Variants in UGT1A9 observed in about 807,000 individuals in gnomAD.
UGT1A9 encodes UDP-glucuronosyltransferase 1A9.
In UGT1A9, 35 loss-of-function variants were observed where a neutral mutation model predicts 45.0. The observed-to-expected ratio is 0.78, with a 90% CI of 0.59 to 1.03. The LOEUF (loss-of-function observed/expected upper bound fraction) is 1.03. Ranked by LOEUF, UGT1A9 falls within the 50% of genes least tolerant of loss-of-function variation. The pLI, the probability that UGT1A9 is intolerant of heterozygous loss-of-function variation, is 0.00. For synonymous variants in UGT1A9, 278 were observed against 250.6 expected, an observed-to-expected ratio of 1.11 and a Z score of -1.03; for missense variants, 687 against 666.6, an observed-to-expected ratio of 1.03 and a Z score of -0.34.
intron 1 of UGT1A9, chr2:233,761,197 G>T (rs369591851): frequency 8.1e-6 from 13 of 1,614,114 alleles, no homozygotes; most frequent in Non-Finnish European, 1.1e-5. Flanking sequence ...TCTTTCAGAT[G>T]TATTACTTTG....
At chr2:233,729,111 C>T (rs773243405) in intron 1 of UGT1A9, 49 of 1,612,868 alleles carry the variant, frequency 3.0e-5, no homozygotes, top group Non-Finnish European at 4.0e-5. Flanking sequence ...GTCAGCTGTC[C>T]GTGTCTTCTG....
chr2:233,693,551 A>T (rs752625258), intron 1 of UGT1A9: 2 of 1,614,068 alleles, frequency 1.2e-6, no homozygotes, highest in Non-Finnish European at 1.7e-6. Flanking sequence ...GCATACATTC[A>T]GCAGAAGCCC....
intron 1 of UGT1A9, chr2:233,718,696 A>G: frequency 1.9e-6 from 3 of 1,595,236 alleles, no homozygotes; most frequent in Non-Finnish European, 2.6e-6. Flanking sequence ...GGAGGAGGGC[A>G]CTTTGTCTTC....
chr2:233,743,976 C>T (rs2125858385), intron 1 of UGT1A9: 2 of 1,312,500 alleles, frequency 1.5e-6, no homozygotes, highest in African/African-American at 1.5e-5. Context: ...GCTGCCAGCA[C>T]CCAGGCGCAG....
rs770459462 is a variant in UGT1A9, at chr2:233,672,016, C to T, written c.82C>T (p.Leu28=). ...LTCGFAEAGK[L]LVVPMDGSHW... The stretch of plus-strand genomic sequence containing the variant: ...CTGTGGCTTTGCCGAGGCAGGGAAG[C>T]TACTGGTAGTGCCCATGGATGGGAG... Residue 28 remains leucine (L), a synonymous_variant, in exon 1 of 5, where the codon CTA becomes TTA. Transcript: ENST00000354728. 2 of 1,614,104 alleles carry T rather than the reference C, an allele frequency of 1.2e-6. No individual in the cohort carries two copies. Among genetic ancestry groups the T allele is most frequent in the East Asian group, 2.2e-5 (1 of 44,874 alleles).
rs570585293 is a variant in UGT1A9 at position 233,691,036 on chromosome 2, C to T, written c.855+18247C>T. The T allele has an allele frequency of 6.3e-5, 62 of 989,684 alleles. No individual in the cohort carries two copies. In the African/African-American group the frequency reaches 7.5e-4, roughly 12 times the overall value. The allele number at this position is 989,684 out of a possible 1,614,324, so 61.3% of individuals were successfully genotyped here. A position where few individuals can be genotyped will look rare whatever the true frequency, so the allele number is the denominator to read the frequency against. ...CTGTGGTTGGAAGGGCTCAGACCAA[C>T]GTCCACAGCAGAGTGGAGGTCTAGT... is the stretch of plus-strand genomic sequence containing the variant. On this transcript the variant is annotated intron_variant, in intron 1 of 4. Transcript: ENST00000354728.
intron 1 of UGT1A9, among the ~76,000 whole-genome samples, chr2:233,704,635 T>C (rs1010635700): frequency 6.6e-6 from 1 of 152,114 alleles, no homozygotes. Context: ...ATATTAACCT[T>C]TTTGCTTATC....
chr2:233,715,631 G>A (rs1191605021), intron 1 of UGT1A9, among the ~76,000 whole-genome samples: 3 of 151,978 alleles, frequency 2.0e-5, no homozygotes, highest in Non-Finnish European at 4.4e-5. Context: ...AATTATCCAG[G>A]TGTGATGGTG....
chr2:233,694,309 T>G (rs1192697951), intron 1 of UGT1A9, among the ~76,000 whole-genome samples: 3 of 152,040 alleles, frequency 2.0e-5, no homozygotes, highest in Non-Finnish European at 2.9e-5. Context: ...TTTTTGTTTT[T>G]TTTTTTCCTT....
At chr2:233,766,965 T>C in intron 1 of UGT1A9, 69 bp from the exon 2 acceptor site, 1 of 1,608,636 alleles carries the variant, frequency 6.2e-7, no homozygotes, top group Non-Finnish European at 8.5e-7. Context: ...ATCTAATTCA[T>C]AACTTACTGT....
rs45554333 is a variant in UGT1A9, at chr2:233,672,932, C to A, written c.855+143C>A. ...TTTAACAAATTATTTTGTGCCAATG[C>A]GTGTACTCGTCAGTAGCAAATTTTA... On this transcript the variant is annotated intron_variant, in intron 1 of 4. Coordinates refer to ENST00000354728, the MANE Select transcript of UGT1A9 (RefSeq NM_021027.3). 515 of 1,450,554 alleles carry A rather than the reference C, an allele frequency of 3.6e-4. 1 individual carries two copies. Among genetic ancestry groups the A allele is most frequent in the Non-Finnish European group, 4.4e-4 (476 of 1,093,898 alleles). The allele number at this position is 1,450,554 out of a possible 1,614,324, so 89.9% of individuals were successfully genotyped here.
At chr2:233,686,426 C>T (rs2074789330) in intron 1 of UGT1A9, among the ~76,000 whole-genome samples, 1 of 152,150 alleles carries the variant, frequency 6.6e-6, no homozygotes, top group Non-Finnish European at 1.5e-5. Context: ...TAAACACACG[C>T]ATGCTTGACA....
chr2:233,708,371 A>C (rs1463457265), intron 1 of UGT1A9: 1 of 152,140 alleles, frequency 6.6e-6, no homozygotes, highest in Non-Finnish European at 1.5e-5. Context: ...CTTCATTTAA[A>C]CGTCTTTTGT....
intron 1 of UGT1A9, among the ~76,000 whole-genome samples, chr2:233,711,537 T>C (rs545731448): frequency 6.6e-6 from 1 of 152,282 alleles, no homozygotes; most frequent in African/African-American, 2.4e-5. Flanking sequence ...TCCCCGGGAA[T>C]CATCCTCCCC....
At chr2:233,767,193 T>G (rs373415241) in intron 2 of UGT1A9, 28 bp downstream of exon 2, 1 of 1,613,806 alleles carries the variant, frequency 6.2e-7, no homozygotes. Context: ...CATGGCCTCA[T>G]ATCTATTTTC....
chr2:233,755,203 A>T, intron 1 of UGT1A9: 1 of 1,097,556 alleles, frequency 9.1e-7, no homozygotes, highest in African/African-American at 1.6e-5. Flanking sequence ...AGCTTGCGGT[A>T]CGCCTTCTTG....
In UGT1A9 at chr2:233,767,104, C is replaced by T. The variant is rs1699318263; in HGVS notation, c.926C>T (p.Ser309Leu). The part of the protein sequence containing the change: ...IVVFSLGSMV[S>L]EIPEKKAMAI... ...GTTTTCTCTTTGGGATCAATGGTCT[C>T]AGAAATTCCAGAGAAGAAAGCTATG... The change falls in exon 2 of 5, where the codon TCA becomes TTA. Residue 309 changes from serine to leucine, a missense_variant. Ser to Leu is a moderately radical substitution (Grantham distance 145). Coordinates refer to ENST00000354728, the MANE Select transcript of UGT1A9 (RefSeq NM_021027.3). 6.2e-7 allele frequency: 1 copy of T among 1,614,114 alleles called. No individual in the cohort carries two copies. The highest frequency in any genetic ancestry group is 8.5e-7 in the Non-Finnish European group (1 of 1,180,014).
At chr2:233,729,361 A>G (rs781679584) in intron 1 of UGT1A9, 50 of 1,613,972 alleles carry the variant, frequency 3.1e-5, no homozygotes, top group Non-Finnish European at 3.8e-5. Flanking sequence ...CACCCTGACA[A>G]CCTATGCCAT....
chr2:233,718,448 A>C (rs1195821608), intron 1 of UGT1A9, among the ~76,000 whole-genome samples: 1 of 152,148 alleles, frequency 6.6e-6, no homozygotes, highest in Admixed American at 6.5e-5. Flanking sequence ...GGCAATGGTG[A>C]CTCCTCAGAC....
Sources: allele counts gnomAD v4.1 joint callset (sites outside exome capture counted in the v4.1 genomes callset), GRCh38; gene constraint gnomAD v4.1.1; transcripts MANE v1.5; gene names NCBI Gene and HGNC (gene_info 2026-07-23, HGNC 2026-07-21).